IRAG1: variants seen among roughly 807,000 people sequenced by gnomAD.
The protein encoded by IRAG1 is inositol 1,4,5-triphosphate receptor associated 1, also known as IP3R-associated cGMP kinase substrate.
IRAG1 carries 62 observed loss-of-function variants against 106.2 expected under a neutral mutation model. That is an observed-to-expected ratio of 0.58 (90% CI 0.48 to 0.72). IRAG1 has a LOEUF of 0.72. Ranked by LOEUF, IRAG1 falls within the 30% of genes least tolerant of loss-of-function variation. The pLI, the probability that IRAG1 is intolerant of heterozygous loss-of-function variation, is 0.00. For missense variants in IRAG1, 1,064 were observed against 1,140.7 expected (o/e 0.93, Z 0.97); for synonymous variants, 462 against 443.9 (o/e 1.04, Z -0.51).
intron 20 of IRAG1, among the ~76,000 whole-genome samples, chr11:10,577,358 T>C (rs1850929126): frequency 6.6e-6 from 1 of 152,146 alleles, no homozygotes; most frequent in South Asian, 2.1e-4. Context: ...CTTTTCCCTC[T>C]TGATTCCTTC....
At chr11:10,582,052 T>G in intron 18 of IRAG1, 66 bp from the exon 19 acceptor site, 8 of 1,541,978 alleles carry the variant, frequency 5.2e-6, no homozygotes, top group Middle Eastern at 1.7e-4. Context: ...AACAAAACCA[T>G]GTTTTTGGCC....
At chr11:10,643,418 T>C (rs1589902449) in intron 2 of IRAG1, among the ~76,000 whole-genome samples, 1 of 152,170 alleles carries the variant, frequency 6.6e-6, no homozygotes, top group African/African-American at 2.4e-5. Flanking sequence ...GGATCCTCTT[T>C]CCTGCCATTG....
chr11:10,628,640 G>T lies in IRAG1; in HGVS notation c.652+111C>A. 1 of 917,266 alleles carries T rather than the reference G, an allele frequency of 1.1e-6. No individual in the cohort carries two copies. Among genetic ancestry groups the T allele is most frequent in the Non-Finnish European group, 1.6e-6 (1 of 632,290 alleles). The allele number at this position is 917,266 out of a possible 1,614,324, so 56.8% of individuals were successfully genotyped here. ...TGCTCTGGGTGTGAAGGGGCCATCAGAGTTCTTGAAGGGGAAGCCTGCAGG... is the reference window on the plus strand; with the variant it reads ...TGCTCTGGGTGTGAAGGGGCCATCATAGTTCTTGAAGGGGAAGCCTGCAGG... On this transcript the variant is annotated intron_variant, in intron 6 of 20. Transcript: ENST00000423302. The surrounding 1 kb of genome is among the most constrained non-coding windows in gnomAD (Gnocchi z 4.1).
chr11:10,681,966 A>G (rs974363618), intron 1 of IRAG1, among the ~76,000 whole-genome samples: 8 of 152,182 alleles, frequency 5.3e-5, no homozygotes, highest in Non-Finnish European at 8.8e-5. Flanking sequence ...AACTCCAAGT[A>G]TGAGTTTCTA....
intron 2 of IRAG1, among the ~76,000 whole-genome samples, chr11:10,649,935 T>C (rs1364762615): frequency 1.3e-5 from 2 of 152,152 alleles, no homozygotes; most frequent in Admixed American, 6.5e-5. Context: ...CCATGGGAAA[T>C]CAAGACTATA....
At chr11:10,598,383 A>G (rs72862335) in intron 15 of IRAG1, among the ~76,000 whole-genome samples, 4,252 of 152,352 alleles carry the variant, frequency 0.028, 86 homozygotes, top group African/African-American at 0.058. Flanking sequence ...TGTGGTCAAA[A>G]GATTTTCAAG....
At chr11:10,606,291 G>A (rs1236580486) in intron 12 of IRAG1, among the ~76,000 whole-genome samples, 1 of 152,196 alleles carries the variant, frequency 6.6e-6, no homozygotes, top group African/African-American at 2.4e-5. Context: ...ATTGCTGACA[G>A]CACAGCTTCC....
At chr11:10,636,710 T>G (rs984734053) in intron 2 of IRAG1, among the ~76,000 whole-genome samples, 2 of 152,136 alleles carry the variant, frequency 1.3e-5, no homozygotes, top group Non-Finnish European at 2.9e-5. Flanking sequence ...CCACATTCTG[T>G]GAAAGCTCAG....
chr11:10,623,831 T>G lies in IRAG1; in HGVS notation c.1394A>C (p.Asn465Thr). The change falls in exon 10 of 21, where the codon AAC (asparagine) becomes ACC (threonine). Residue 465 changes from asparagine (N) to threonine (T), a missense_variant. By Grantham distance (65) the Asn-to-Thr change is moderately conservative. Coordinates refer to ENST00000423302, the MANE Select transcript of IRAG1 (RefSeq NM_130385.4). ...REEHILMRNQ[N>T]LVGLKLPDLS... ...GTCTGGAAGCTTGAGCCCCACTAAG[T>G]TCTGATTTCTCATCAGGATGTGCTC... is the stretch of plus-strand genomic sequence containing the variant. 1 of 1,614,048 alleles carries G rather than the reference T, an allele frequency of 6.2e-7. No individual in the cohort carries two copies. The highest frequency in any genetic ancestry group is 1.1e-5 in the South Asian group (1 of 91,088).
chr11:10,604,443 T>C lies in IRAG1; in HGVS notation c.1705A>G (p.Thr569Ala). The change falls in exon 13 of 21, where the codon ACT becomes GCT. Residue 569 changes from threonine (T) to alanine (A), a missense_variant. By Grantham distance (58) the Thr-to-Ala change is moderately conservative (BLOSUM62 0). Transcript: ENST00000423302. ...ERERNLTEEN[T>A]EKELENFKAS... ...TTGAAGTTTTCCAGTTCTTTCTCAG[T>C]GTTCTCCTCTGTCAGGTTGCGTTCC... 6.2e-7 allele frequency: 1 copy of C among 1,614,078 alleles called. No homozygotes were observed. Among genetic ancestry groups the C allele is most frequent in the African/African-American group, 1.3e-5 (1 of 75,078 alleles).
chr11:10,631,928 G>A, intron 4 of IRAG1, 63 bp downstream of exon 4: 1 of 1,430,242 alleles, frequency 7.0e-7, no homozygotes. Context: ...AAGGAGTCAA[G>A]CCCAGCCACG....
chr11:10,626,645 C>T, intron 8 of IRAG1, 62 bp from the exon 9 acceptor site: 1 of 1,510,032 alleles, frequency 6.6e-7, no homozygotes. Context: ...CAGGTGAGGC[C>T]ACTTCTGCTG....
rs59268703 is a variant in IRAG1, at chr11:10,665,126, A to ACCTAACCCTAACCCTAAC, written c.68-12962_68-12945dup. On this transcript the variant is annotated intron_variant, in intron 1 of 20. Coordinates refer to ENST00000423302, the MANE Select transcript of IRAG1 (RefSeq NM_130385.4). This position sits in a 1 kb window ranked among gnomAD's most constrained non-coding sequence, Gnocchi z 4.2. ...CTCTCACCTCTCTACTGTGCTGCTT[A>ACCTAACCCTAACCCTAAC]CCTAACCCTAACCCTAACCCTAACC... Among the ~76,000 whole-genome samples, 1 of 151,350 alleles carries ACCTAACCCTAACCCTAAC rather than the reference A, an allele frequency of 6.6e-6. No homozygotes were observed. The highest frequency in any genetic ancestry group is 2.4e-5 in the African/African-American group (1 of 41,116).
intron 14 of IRAG1, among the ~76,000 whole-genome samples, chr11:10,602,191 G>A (rs1854087673): frequency 6.6e-6 from 1 of 152,218 alleles, no homozygotes; most frequent in Admixed American, 6.5e-5. Context: ...AAGGACACAG[G>A]GTGGGATGGC....
At position 10,576,072 on chromosome 11, in the gene IRAG1, C is replaced by T. The variant is rs988615694; in HGVS notation, c.*260G>A. 1.0e-4 allele frequency: 50 copies of T among 480,970 alleles called. No individual in the cohort carries two copies. Among genetic ancestry groups the T allele is most frequent in the Non-Finnish European group, 1.9e-4 (49 of 264,302 alleles). 29.8% of individuals were successfully genotyped at this position (480,970 alleles called of 1,614,324 possible). ...CCTGAGCTAGGGGCAGGAGACCTTC[C>T]CTTCCAATAGAGTTCCTTGGTGAAG... is the stretch of plus-strand genomic sequence containing the variant. On this transcript the variant is annotated 3_prime_UTR_variant, in exon 21 of 21. Coordinates refer to ENST00000423302, the MANE Select transcript of IRAG1 (RefSeq NM_130385.4).
intron 1 of IRAG1, among the ~76,000 whole-genome samples, chr11:10,682,334 C>T (rs1441366924): frequency 6.6e-6 from 1 of 152,220 alleles, no homozygotes; most frequent in African/African-American, 2.4e-5. Flanking sequence ...AAGTCAGGCT[C>T]TCTTTGTTCA....
intron 1 of IRAG1, among the ~76,000 whole-genome samples, chr11:10,660,161 C>G (rs1384297587): frequency 6.6e-6 from 1 of 152,128 alleles, no homozygotes; most frequent in Non-Finnish European, 1.5e-5. Flanking sequence ...TGCACAGGAG[C>G]CTGCTTGTTC....
At chr11:10,675,334 C>T (rs914661832) in intron 1 of IRAG1, among the ~76,000 whole-genome samples, 2 of 152,184 alleles carry the variant, frequency 1.3e-5, no homozygotes, top group African/African-American at 2.4e-5. Flanking sequence ...GGCTCCTGCC[C>T]GGTTCCCCTC....
At chr11:10,579,958 A>T (rs1307141238) in intron 20 of IRAG1, among the ~76,000 whole-genome samples, 1 of 152,214 alleles carries the variant, frequency 6.6e-6, no homozygotes, top group South Asian at 2.1e-4. Context: ...CATGGTAGGC[A>T]CCTGCTGGAG....
Sources: allele counts gnomAD v4.1 joint callset (sites outside exome capture counted in the v4.1 genomes callset), GRCh38; gene constraint gnomAD v4.1.1; non-coding constraint Gnocchi (gnomAD v3.1); transcripts MANE v1.5; gene names NCBI Gene and HGNC (gene_info 2026-07-23, HGNC 2026-07-21).